Variants in CBL observed in about 807,000 individuals in gnomAD.
The protein encoded by CBL is Cbl proto-oncogene.
Under a neutral mutation model 96.9 loss-of-function variants are expected in CBL, and 45 were observed. That is an observed-to-expected ratio of 0.46 (90% CI 0.37 to 0.60). CBL has a LOEUF of 0.60. Among genes scored for constraint, CBL ranks in the 20% least tolerant of loss-of-function variants. The pLI is 0.00. For missense variants in CBL, 1,024 were observed against 1,143.5 expected, an observed-to-expected ratio of 0.90 and a Z score of 1.51; for synonymous variants, 420 against 426.8, an observed-to-expected ratio of 0.98 and a Z score of 0.20.
At chr11:119,275,480 T>C (rs1379935760) in intron 5 of CBL, among the ~76,000 whole-genome samples, 2 of 152,040 alleles carry the variant, frequency 1.3e-5, no homozygotes, top group Admixed American at 6.6e-5. Flanking sequence ...TTATGTGTCT[T>C]TTGCTTCTGG....
intron 5 of CBL, 34 bp from the exon 6 acceptor site, chr11:119,275,963 A>G: frequency 6.2e-7 from 1 of 1,611,368 alleles, no homozygotes; most frequent in South Asian, 1.1e-5. Context: ...TACCAGCATA[A>G]TCTACTAAAG....
rs1591272756 is a variant in CBL at position 119,302,632 on chromosome 11, T to A, written c.*2851T>A. On this transcript the variant is annotated 3_prime_UTR_variant, in exon 16 of 16. Transcript: ENST00000264033. ...CTTTCCCTGGGTCTTCACGGATTGC[T>A]TTCCAAGCTGCCTTGTTGCGGGGTT... 4.3e-6 allele frequency: 1 copy of A among 231,300 alleles called. No homozygotes were observed. The highest frequency in any genetic ancestry group is 6.1e-5 in the East Asian group (1 of 16,366). 14.3% of individuals were successfully genotyped at this position (231,300 alleles called of 1,614,324 possible). A position where few individuals can be genotyped will look rare whatever the true frequency, so the allele number is the denominator to read the frequency against.
intron 1 of CBL, among the ~76,000 whole-genome samples, chr11:119,228,420 A>T (rs1452588243): frequency 2.0e-5 from 3 of 152,162 alleles, no homozygotes. Flanking sequence ...AGCCTGGCCA[A>T]CATGGTGAAA....
chr11:119,294,353 TG>T (rs1476235599), intron 12 of CBL, among the ~76,000 whole-genome samples: 3 of 150,474 alleles, frequency 2.0e-5, no homozygotes, highest in African/African-American at 7.4e-5. Flanking sequence ...TGCTTGAATC[TG>T]GGAAGTGGAG....
chr11:119,283,994 G>T (rs1242439804), intron 9 of CBL, among the ~76,000 whole-genome samples: 1 of 151,872 alleles, frequency 6.6e-6, no homozygotes. Context: ...GCTTTTTAGT[G>T]ATATTCTTGA....
chr11:119,275,003 GA>G (rs759887134), intron 5 of CBL, 50 bp downstream of exon 5: 8 of 1,601,740 alleles, frequency 5.0e-6, no homozygotes, highest in Non-Finnish European at 6.8e-6. Context: ...TCGTTATCTT[GA>G]GACTTCTGCT....
In CBL at chr11:119,303,255, C is replaced by T. The variant is rs1411025964; in HGVS notation, c.*3474C>T. 4.3e-6 allele frequency: 1 copy of T among 232,220 alleles called. No homozygotes were observed. The highest frequency in any genetic ancestry group is 5.6e-5 in the Admixed American group (1 of 17,742). The allele number at this position is 232,220 out of a possible 1,614,324, so 14.4% of individuals were successfully genotyped here. ...GTCATTAAAGTCAGAAGATTATAGA[C>T]CTTCTCAAACTATAAGTCCCTCTTC... On this transcript the variant is annotated 3_prime_UTR_variant, in exon 16 of 16. Transcript: ENST00000264033.
chr11:119,300,474 A>T lies in CBL; in HGVS notation c.*693A>T. The T allele has an allele frequency of 1.2e-5, 5 of 402,478 alleles. No individual in the cohort carries two copies. Among genetic ancestry groups the T allele is most frequent in the Non-Finnish European group, 1.8e-5 (4 of 228,192 alleles). 24.9% of individuals were successfully genotyped at this position (402,478 alleles called of 1,614,324 possible). A position where few individuals can be genotyped will look rare whatever the true frequency, so the allele number is the denominator to read the frequency against. ...GCTATGGCCAGCCTTACTGAGGCCAAGCAGCTTATGGGATGTTCTTTATTG... is the reference window on the plus strand; with the variant it reads ...GCTATGGCCAGCCTTACTGAGGCCATGCAGCTTATGGGATGTTCTTTATTG... On this transcript the variant is annotated 3_prime_UTR_variant, in exon 16 of 16. Coordinates refer to ENST00000264033, the MANE Select transcript of CBL (RefSeq NM_005188.4).
chr11:119,221,506 G>T (rs892418618), intron 1 of CBL, among the ~76,000 whole-genome samples: 4 of 152,108 alleles, frequency 2.6e-5, no homozygotes, highest in Admixed American at 2.6e-4. Flanking sequence ...AGTGGCTCAC[G>T]TCTATAATCC....
chr11:119,295,915 A>G (rs993784239), intron 12 of CBL, among the ~76,000 whole-genome samples: 1 of 152,152 alleles, frequency 6.6e-6, no homozygotes, highest in African/African-American at 2.4e-5. Context: ...ATACCAATAC[A>G]CTTCTGCCTC....
intron 1 of CBL, among the ~76,000 whole-genome samples, chr11:119,224,694 G>C (rs763289837): frequency 6.6e-6 from 1 of 151,432 alleles, no homozygotes; most frequent in Non-Finnish European, 1.5e-5. Context: ...GGGTTCAAGC[G>C]ATTCTCCTGC....
intron 1 of CBL, 108 bp downstream of exon 1, chr11:119,206,720 A>G: frequency 1.1e-6 from 1 of 951,388 alleles, no homozygotes; most frequent in South Asian, 1.9e-5. Flanking sequence ...GGTCTGGTGA[A>G]GCCGGGGAGG....
rs886041500 is a variant in CBL at position 119,285,053 on chromosome 11, C to T, written c.1516C>T (p.Arg506Ter). 6.2e-7 allele frequency: 1 copy of T among 1,614,162 alleles called. No homozygotes were observed. Among genetic ancestry groups the T allele is most frequent in the Middle Eastern group, 1.6e-4 (1 of 6,062 alleles). ...ACCACGACTTGACCTTCTGCCGCAG[C>T]GAGTATGTGTTCCCTCAAGTGCTTC... ...VPPRLDLLPQ[R>*]VCVPSSASAL... Residue 506 changes from arginine (R) to a stop codon, truncating the protein, a stop_gained, in exon 10 of 16, where the codon CGA becomes TGA. Coordinates refer to ENST00000264033, the MANE Select transcript of CBL (RefSeq NM_005188.4). LOFTEE classifies it high-confidence loss of function.
intron 2 of CBL, among the ~76,000 whole-genome samples, chr11:119,265,179 C>G (rs1949792423): frequency 1.3e-5 from 2 of 152,152 alleles, no homozygotes; most frequent in Admixed American, 1.3e-4. Flanking sequence ...CTGCGCCCAG[C>G]CTAAATTACT....
chr11:119,236,793 A>C (rs186525503), intron 2 of CBL, among the ~76,000 whole-genome samples: 2 of 152,018 alleles, frequency 1.3e-5, no homozygotes, highest in African/African-American at 4.8e-5. Flanking sequence ...CAGCTATTCT[A>C]CTAGGGGTAA....
chr11:119,238,397 A>G (rs914098301), intron 2 of CBL, among the ~76,000 whole-genome samples: 7 of 151,674 alleles, frequency 4.6e-5, no homozygotes, highest in South Asian at 2.1e-4. Flanking sequence ...TTTAGTAGGG[A>G]TGGGGCTTTA....
rs188262165 is a variant in CBL at position 119,235,294 on chromosome 11, T to A, written c.443+2599T>A. On this transcript the variant is annotated intron_variant, in intron 2 of 15. Coordinates refer to ENST00000264033, the MANE Select transcript of CBL (RefSeq NM_005188.4). ...TGCTGGGCTGATTTTTTTGTATTTT[T>A]AGTAGTGACAGGGTTTCACCATATT... Among the ~76,000 whole-genome samples the A allele has an allele frequency of 3.3e-4, 50 of 152,152 alleles. 1 individual carries two copies. In the East Asian group the frequency reaches 6.2e-3, roughly 19 times the overall value.
In CBL at chr11:119,206,440, G is replaced by A. The variant is rs930860175; in HGVS notation, c.23G>A (p.Ser8Asn). 7 of 1,577,084 alleles carry A rather than the reference G, an allele frequency of 4.4e-6. No individual in the cohort carries two copies. The Admixed American group carries it at 9.0e-5, about 20-fold the overall frequency. MAGNVKKSSGAGGGSGSG... is the reference protein window; with the variant it reads MAGNVKKNSGAGGGSGSG... ...GCCATGGCCGGCAACGTGAAGAAGAGCTCTGGGGCCGGGGGCGGCAGCGGC... is the reference window on the plus strand; with the variant it reads ...GCCATGGCCGGCAACGTGAAGAAGAACTCTGGGGCCGGGGGCGGCAGCGGC... The change falls in exon 1 of 16, where the codon AGC becomes AAC. Residue 8 changes from serine (S) to asparagine (N), a missense_variant. Physicochemically the swap from Ser to Asn is conservative, Grantham distance 46. Around this residue, in one of 4 missense-constraint regions of CBL, gnomAD observed 114 missense variants for 117.4 expected, o/e 0.97. Coordinates refer to ENST00000264033, the MANE Select transcript of CBL (RefSeq NM_005188.4).
intron 2 of CBL, among the ~76,000 whole-genome samples, chr11:119,253,346 C>T (rs150677448): frequency 1.4e-3 from 204 of 149,886 alleles, no homozygotes; most frequent in African/African-American, 3.6e-3. Context: ...AGCCATGCAC[C>T]GTGGCATATG....
Sources: allele counts gnomAD v4.1 joint callset (sites outside exome capture counted in the v4.1 genomes callset), GRCh38; gene constraint gnomAD v4.1.1; regional missense constraint gnomAD v4.1.1; transcripts MANE v1.5; gene names NCBI Gene and HGNC (gene_info 2026-07-23, HGNC 2026-07-21).